The following EIF3A variants were observed in gnomAD, a reference collection of about 807,000 sequenced individuals.
EIF3A encodes eukaryotic translation initiation factor 3 subunit A.
A neutral mutation model predicts 186.6 loss-of-function variants in EIF3A; 21 were observed. That is an observed-to-expected ratio of 0.11 (90% CI 0.08 to 0.16). EIF3A has a LOEUF of 0.16. EIF3A is among the 10% of genes least tolerant of loss of function. EIF3A has a pLI of 1.00. For synonymous variants in EIF3A, 563 were observed against 584.3 expected, an observed-to-expected ratio of 0.96 and a Z score of 0.52; for missense variants, 1,306 against 1,796.3, an observed-to-expected ratio of 0.73 and a Z score of 4.93.
intron 11 of EIF3A, 98 bp downstream of exon 11, chr10:119,059,114 C>G (rs571271187): frequency 1.1e-6 from 1 of 894,842 alleles, no homozygotes; most frequent in Non-Finnish European, 1.8e-6. Flanking sequence ...TAAATCCCTT[C>G]TCTCAGATAT....
At chr10:119,047,461 T>C (rs1848295667) in intron 17 of EIF3A, among the ~76,000 whole-genome samples, 1 of 152,022 alleles carries the variant, frequency 6.6e-6, no homozygotes, top group Admixed American at 6.6e-5. Flanking sequence ...GGAAGGTGTG[T>C]GTGGGCAAGG....
intron 1 of EIF3A, 82 bp downstream of exon 1, chr10:119,080,546 G>T: frequency 6.7e-7 from 1 of 1,484,344 alleles, no homozygotes. Flanking sequence ...CCGGGCGGCG[G>T]AGCAGTGGGA....
chr10:119,037,946 T>A (rs615297), intron 20 of EIF3A, among the ~76,000 whole-genome samples: 1 of 137,600 alleles, frequency 7.3e-6, no homozygotes, highest in Non-Finnish European at 1.5e-5. Context: ...GACGGAGTTT[T>A]GCTCTTGTTG....
At chr10:119,070,202 CAA>C (rs1277052926) in intron 5 of EIF3A, among the ~76,000 whole-genome samples, 1 of 152,236 alleles carries the variant, frequency 6.6e-6, no homozygotes, top group Admixed American at 6.5e-5. Context: ...GTCAAATATA[CAA>C]AAGACTTCAA....
At chr10:119,065,646 C>T in intron 6 of EIF3A, 76 bp from the exon 7 acceptor site, 1 of 1,091,286 alleles carries the variant, frequency 9.2e-7, no homozygotes, top group Non-Finnish European at 1.4e-6. Flanking sequence ...TCTCTTTAAT[C>T]TTACGGTAAG....
intron 1 of EIF3A, among the ~76,000 whole-genome samples, chr10:119,074,974 T>A (rs1844139891): frequency 9.3e-6 from 1 of 107,968 alleles, no homozygotes; most frequent in Non-Finnish European, 1.9e-5. Context: ...CAAAATAACT[T>A]ATTTTTTTTC....
At chr10:119,075,275 GAATT>G (rs1844147788) in intron 1 of EIF3A, among the ~76,000 whole-genome samples, 1 of 151,694 alleles carries the variant, frequency 6.6e-6, no homozygotes, top group Non-Finnish European at 1.5e-5. Context: ...ATATTCTTTT[GAATT>G]TATTATCCCC....
chr10:119,050,078 A>T, intron 16 of EIF3A, 93 bp from the exon 17 acceptor site: 1 of 1,197,744 alleles, frequency 8.3e-7, no homozygotes, highest in Admixed American at 2.2e-5. Context: ...AGGTAGCATA[A>T]TGTACAAGTA....
chr10:119,074,619 T>C (rs1463606122), intron 1 of EIF3A, among the ~76,000 whole-genome samples: 3 of 140,960 alleles, frequency 2.1e-5, no homozygotes, highest in South Asian at 2.2e-4. Context: ...TAAAAAATTC[T>C]TTTTTTTTTT....
chr10:119,069,976 G>A (rs1844045136), intron 5 of EIF3A, among the ~76,000 whole-genome samples: 1 of 152,166 alleles, frequency 6.6e-6, no homozygotes, highest in Non-Finnish European at 1.5e-5. Context: ...ATTTCTGAGT[G>A]ATAAGATAAT....
chr10:119,067,604 A>C (rs1429919306), intron 6 of EIF3A, among the ~76,000 whole-genome samples: 2 of 152,220 alleles, frequency 1.3e-5, no homozygotes, highest in Non-Finnish European at 2.9e-5. Flanking sequence ...AAAGGAAAGA[A>C]AGACCGTATC....
chr10:119,074,959 C>A (rs1003865873), intron 1 of EIF3A, among the ~76,000 whole-genome samples: 37 of 102,146 alleles, frequency 3.6e-4, no homozygotes, highest in Non-Finnish European at 4.4e-4. Context: ...AAATGGAATA[C>A]AAAGCAAAAT....
chr10:119,048,748 T>G (rs146267046), intron 17 of EIF3A, among the ~76,000 whole-genome samples: 2 of 151,896 alleles, frequency 1.3e-5, no homozygotes, highest in African/African-American at 4.8e-5. Context: ...CTCAGCTCAC[T>G]GCAACCTCCA....
chr10:119,074,011 T>A, intron 1 of EIF3A, 74 bp from the exon 2 acceptor site: 1 of 1,270,938 alleles, frequency 7.9e-7, no homozygotes, highest in Non-Finnish European at 1.0e-6. Flanking sequence ...TTTAAACAGC[T>A]ATTTCAATTC....
rs1398433535 is a variant in EIF3A at position 119,042,530 on chromosome 10, GGCCTGTCATCATCTGTGTTAC to G, written c.2969_2989del (p.Arg990_Arg996del). 1.1e-5 allele frequency: 18 copies of G among 1,613,886 alleles called. No homozygotes were observed. The highest frequency in any genetic ancestry group is 1.5e-5 in the Non-Finnish European group (18 of 1,180,004). On this transcript the variant is annotated inframe_deletion, in exon 19 of 22. Coordinates refer to ENST00000369144, the MANE Select transcript of EIF3A (RefSeq NM_003750.4). The surrounding 1 kb of genome is among the most constrained non-coding windows in gnomAD (Gnocchi z 7.8). ...GTCTTCATCGGCAATTCGTCTGGGA[GGCCTGTCATCATCTGTGTTAC>G]GCCAGGAAGGCCGGTCATCGTCTGC...
intron 4 of EIF3A, among the ~76,000 whole-genome samples, chr10:119,071,898 G>A (rs192976915): frequency 1.6e-4 from 24 of 151,850 alleles, no homozygotes; most frequent in East Asian, 9.7e-4. Context: ...GGCAGCGTGC[G>A]CCTGTAGTCC....
chr10:119,053,921 T>C (rs1012334991), intron 14 of EIF3A, among the ~76,000 whole-genome samples: 1 of 152,136 alleles, frequency 6.6e-6, no homozygotes, highest in Non-Finnish European at 1.5e-5. Context: ...GCTTCCTTTA[T>C]TGATTGATTG....
intron 17 of EIF3A, among the ~76,000 whole-genome samples, chr10:119,048,890 A>G (rs575535272): frequency 1.3e-5 from 2 of 152,132 alleles, no homozygotes; most frequent in East Asian, 3.9e-4. Context: ...AGACTGGTCT[A>G]GAACTGACTT....
At chr10:119,058,360 G>A (rs1392067993) in intron 11 of EIF3A, 57 bp from the exon 12 acceptor site, 1 of 1,236,068 alleles carries the variant, frequency 8.1e-7, no homozygotes, top group Non-Finnish European at 1.1e-6. Context: ...CTGGTATTAG[G>A]CATCAAAGAA....
Sources: allele counts gnomAD v4.1 joint callset (sites outside exome capture counted in the v4.1 genomes callset), GRCh38; gene constraint gnomAD v4.1.1; non-coding constraint Gnocchi (gnomAD v3.1); transcripts MANE v1.5; gene names NCBI Gene and HGNC (gene_info 2026-07-23, HGNC 2026-07-21).